PTPRT: variants seen among roughly 807,000 people sequenced by gnomAD.
The protein encoded by PTPRT is receptor-type tyrosine-protein phosphatase T.
In PTPRT, 56 loss-of-function variants were observed where a neutral mutation model predicts 176.8. The observed-to-expected ratio is 0.32, with a 90% CI of 0.26 to 0.40. The LOEUF is 0.40. Ranked by LOEUF, PTPRT falls within the 10% of genes least tolerant of loss-of-function variation. PTPRT has a pLI of 1.00. For synonymous variants in PTPRT, 783 were observed against 739.0 expected, an observed-to-expected ratio of 1.06 and a Z score of -0.96; for missense variants, 1,540 against 1,908.2, an observed-to-expected ratio of 0.81 and a Z score of 3.60.
In PTPRT at chr20:42,883,163, T is replaced by C. The variant is rs150830109; in HGVS notation, c.214+2644A>G. 4.5e-3 allele frequency among the ~76,000 whole-genome samples: 690 copies of C among 152,302 alleles called. 6 individuals carry two copies. The highest frequency in any genetic ancestry group is 0.016 in the African/African-American group (656 of 41,562). The stretch of plus-strand genomic sequence containing the variant: ...GAGACAAGGAAGAAAAGAAGTAACA[T>C]GAACATGCTTATATTCTAGAATAAT... On this transcript the variant is annotated intron_variant, in intron 2 of 30. Coordinates refer to ENST00000373187, the MANE Select transcript of PTPRT (RefSeq NM_007050.6).
chr20:42,347,800 T>C (rs2058216964), intron 11 of PTPRT, among the ~76,000 whole-genome samples: 1 of 152,214 alleles, frequency 6.6e-6, no homozygotes, highest in Non-Finnish European at 1.5e-5. Context: ...AATAAACTTT[T>C]CTCTCTACAA....
At chr20:42,200,953 G>A (rs1991423781) in intron 15 of PTPRT, among the ~76,000 whole-genome samples, 1 of 152,222 alleles carries the variant, frequency 6.6e-6, no homozygotes, top group Non-Finnish European at 1.5e-5. Flanking sequence ...GAGCCCCACT[G>A]ATCATGAAAC....
rs6072699 is a variant in PTPRT, at chr20:42,359,412, C to T, written c.1561-7127G>A. ...GGTCCCTAGAAATGTAAGAATGAGA[C>T]GGAGCCAACACATGGCCCCAGACCT... On this transcript the variant is annotated intron_variant, in intron 9 of 30. Transcript: ENST00000373187. Among the ~76,000 whole-genome samples the T allele has an allele frequency of 1.4e-3, 216 of 152,274 alleles. 1 individual carries two copies. Among genetic ancestry groups the T allele is most frequent in the African/African-American group, 4.8e-3 (201 of 41,556 alleles).
intron 23 of PTPRT, among the ~76,000 whole-genome samples, chr20:42,108,367 T>A (rs1986676484): frequency 6.6e-6 from 1 of 152,146 alleles, no homozygotes; most frequent in African/African-American, 2.4e-5. Flanking sequence ...TGACTTAACC[T>A]CTCTGGGTTT....
At chr20:42,266,131 G>C (rs2056835023) in intron 13 of PTPRT, among the ~76,000 whole-genome samples, 1 of 152,174 alleles carries the variant, frequency 6.6e-6, no homozygotes, top group Non-Finnish European at 1.5e-5. Flanking sequence ...TGGCTGTACA[G>C]GGACTCAACT....
chr20:42,742,792 G>C (rs761662097), intron 6 of PTPRT, among the ~76,000 whole-genome samples: 10 of 152,204 alleles, frequency 6.6e-5, no homozygotes, highest in Non-Finnish European at 1.5e-4. Context: ...CAGAAAACAT[G>C]AGGCAAGAAA....
At chr20:42,559,024 C>T (rs1035325674) in intron 7 of PTPRT, among the ~76,000 whole-genome samples, 1 of 152,154 alleles carries the variant, frequency 6.6e-6, no homozygotes, top group Non-Finnish European at 1.5e-5. Flanking sequence ...AGGACAAACA[C>T]CCCAAAATGA....
At chr20:42,787,349 A>T (rs879095716) in intron 3 of PTPRT, among the ~76,000 whole-genome samples, 2 of 152,312 alleles carry the variant, frequency 1.3e-5, no homozygotes, top group Admixed American at 1.3e-4. Flanking sequence ...TGTCTGCAGA[A>T]TACTATCTCT....
intron 1 of PTPRT, among the ~76,000 whole-genome samples, chr20:42,934,523 G>A (rs948334787): frequency 1.3e-5 from 2 of 152,092 alleles, no homozygotes; most frequent in African/African-American, 2.4e-5. Flanking sequence ...TGTAGGCCAG[G>A]GTGTGGTCCC....
intron 1 of PTPRT, among the ~76,000 whole-genome samples, chr20:43,146,157 T>C (rs771059644): frequency 1.3e-5 from 2 of 152,190 alleles, no homozygotes; most frequent in Admixed American, 6.5e-5. Context: ...CCCAACTTCC[T>C]ACATTTTTCT....
chr20:42,725,702 C>A lies in PTPRT; in HGVS notation c.859+30760G>T, dbSNP rs551603100. Among the ~76,000 whole-genome samples, 77 of 152,152 alleles carry A rather than the reference C, an allele frequency of 5.1e-4. 1 individual carries two copies. The highest frequency in any genetic ancestry group is 1.8e-3 in the African/African-American group (74 of 41,528). ...GCGAGGTTGCGCAGAAATAGAAACA[C>A]TTTTACACTGTTGGTGGGAATGTAA... is the stretch of plus-strand genomic sequence containing the variant. On this transcript the variant is annotated intron_variant, in intron 6 of 30. Transcript: ENST00000373187.
chr20:42,455,074 C>T (rs1437998746), intron 8 of PTPRT, among the ~76,000 whole-genome samples: 2 of 152,104 alleles, frequency 1.3e-5, no homozygotes, highest in Non-Finnish European at 2.9e-5. Context: ...ACACTGAAAC[C>T]ATTGTGATGA....
At chr20:42,779,525 T>G (rs1282574223) in intron 4 of PTPRT, among the ~76,000 whole-genome samples, 1 of 152,178 alleles carries the variant, frequency 6.6e-6, no homozygotes, top group Non-Finnish European at 1.5e-5. Flanking sequence ...CAAATGTCAC[T>G]GGGTATGATG....
chr20:42,962,016 G>A (rs979968944), intron 1 of PTPRT, among the ~76,000 whole-genome samples: 1 of 152,196 alleles, frequency 6.6e-6, no homozygotes, highest in Non-Finnish European at 1.5e-5. Context: ...CCTCCAGAAG[G>A]AATGCAGTCC....
At chr20:42,528,658 A>G (rs2072321941) in intron 7 of PTPRT, among the ~76,000 whole-genome samples, 2 of 152,168 alleles carry the variant, frequency 1.3e-5, no homozygotes, top group South Asian at 4.1e-4. Context: ...AACCAATGCT[A>G]TAAGTAGTCC....
At chr20:42,162,094 C>T (rs1989628273) in intron 16 of PTPRT, among the ~76,000 whole-genome samples, 1 of 152,124 alleles carries the variant, frequency 6.6e-6, no homozygotes, top group African/African-American at 2.4e-5. Context: ...CTTGGACTGC[C>T]AGAAGCTAGC....
At position 42,472,507 on chromosome 20, in the gene PTPRT, C is replaced by T; in HGVS notation, c.1209G>A (p.Leu403=). 8 of 1,614,244 alleles carry T rather than the reference C, an allele frequency of 5.0e-6. No homozygotes were observed. The highest frequency in any genetic ancestry group is 6.8e-6 in the Non-Finnish European group (8 of 1,180,046). The change falls in exon 8 of 31, where the codon CTG becomes CTA. Residue 403 remains leucine (L), a synonymous_variant. Coordinates refer to ENST00000373187, the MANE Select transcript of PTPRT (RefSeq NM_007050.6). ...AGCCGAAGGGCTCCCACTGCAGGGT[C>T]AGCTGCCGGGCTCTGATGTCTACGA... ...VEIVDIRARQ[L]TLQWEPFGYA...
chr20:42,891,555 T>A (rs151112433), intron 1 of PTPRT, among the ~76,000 whole-genome samples: 1 of 152,268 alleles, frequency 6.6e-6, no homozygotes, highest in African/African-American at 2.4e-5. Context: ...GCAGGATACA[T>A]ACTTTAGGAT....
intron 7 of PTPRT, among the ~76,000 whole-genome samples, chr20:42,620,712 G>A (rs921288120): frequency 3.3e-5 from 5 of 152,284 alleles, no homozygotes; most frequent in South Asian, 2.1e-4. Context: ...TTCCAGGTGC[G>A]TCAGTCACCC....
Sources: gnomAD v4.1 joint callset for allele counts (sites outside exome capture counted in the v4.1 genomes callset) on GRCh38, gnomAD v4.1.1 for gene constraint, MANE v1.5 for transcripts, NCBI Gene and HGNC (gene_info 2026-07-23, HGNC 2026-07-21) for gene names.